AGBL1: variants seen among roughly 807,000 people sequenced by gnomAD.
The protein encoded by AGBL1 is cytosolic carboxypeptidase 4.
AGBL1 carries 130 observed loss-of-function variants against 118.9 expected under a neutral mutation model. The observed-to-expected ratio is 1.09, with a 90% CI of 0.95 to 1.26. AGBL1 has a LOEUF of 1.26. Among genes scored for constraint, AGBL1 ranks in the 50% most tolerant of loss-of-function variants. The pLI is 0.00. For synonymous variants in AGBL1, 555 were observed against 478.9 expected, an observed-to-expected ratio of 1.16 and a Z score of -2.08; for missense variants, 1,584 against 1,298.1, an observed-to-expected ratio of 1.22 and a Z score of -3.38.
At chr15:86,827,218 G>A (rs538775389) in intron 22 of AGBL1, among the ~76,000 whole-genome samples, 11 of 144,118 alleles carry the variant, frequency 7.6e-5, no homozygotes, top group African/African-American at 2.8e-4. Context: ...TCTAGAGTTG[G>A]GGTATAAGAA....
At chr15:86,641,090 A>G (rs2085182411) in intron 21 of AGBL1, among the ~76,000 whole-genome samples, 1 of 152,042 alleles carries the variant, frequency 6.6e-6, no homozygotes. Flanking sequence ...TTGATAAAAG[A>G]TCTTTAATAG....
At chr15:86,521,512 A>T (rs2083188378) in intron 18 of AGBL1, among the ~76,000 whole-genome samples, 2 of 152,058 alleles carry the variant, frequency 1.3e-5, no homozygotes, top group African/African-American at 2.4e-5. Context: ...TTTTATAAGG[A>T]CTCTGATCAA....
At chr15:86,682,333 C>CA (rs2085975604) in intron 22 of AGBL1, among the ~76,000 whole-genome samples, 1 of 152,088 alleles carries the variant, frequency 6.6e-6, no homozygotes, top group Non-Finnish European at 1.5e-5. Context: ...TAGCAAAAAA[C>CA]AAACAAACAA....
At chr15:86,369,406 AAAGTC>A (rs1424667344) in intron 17 of AGBL1, among the ~76,000 whole-genome samples, 22 of 152,302 alleles carry the variant, frequency 1.4e-4, no homozygotes, top group African/African-American at 4.8e-4. Flanking sequence ...GAAAACCACT[AAAGTC>A]AAGACATAAA....
At chr15:86,204,464 C>T (rs1325936913) in intron 5 of AGBL1, among the ~76,000 whole-genome samples, 1 of 151,374 alleles carries the variant, frequency 6.6e-6, no homozygotes, top group African/African-American at 2.4e-5. Flanking sequence ...GCATTGATCC[C>T]TTCCCTTACC....
intron 22 of AGBL1, among the ~76,000 whole-genome samples, chr15:86,784,233 T>C (rs888302667): frequency 6.6e-6 from 1 of 152,154 alleles, no homozygotes; most frequent in Non-Finnish European, 1.5e-5. Flanking sequence ...ATAATGATAT[T>C]AATAATGTTG....
intron 1 of AGBL1, among the ~76,000 whole-genome samples, chr15:86,102,209 T>A (rs1486284576): frequency 6.6e-6 from 1 of 152,070 alleles, no homozygotes; most frequent in Non-Finnish European, 1.5e-5. Context: ...CCCAGCTTAT[T>A]TTTGCATTTT....
Position 86,208,932 on chromosome 15 carries a change from T to G in AGBL1, c.489-15982T>G, listed in dbSNP as rs555801367. On this transcript the variant is annotated intron_variant, in intron 5 of 22. Coordinates refer to ENST00000614907, the MANE Select transcript of AGBL1 (RefSeq NM_001386094.1). ...TAGGGTGTCGATTTTAGATCTTTCC[T>G]GCTTTCTCTTGTGGGCATTTAGTGC... is the stretch of plus-strand genomic sequence containing the variant. 8.5e-5 allele frequency among the ~76,000 whole-genome samples: 13 copies of G among 152,356 alleles called. No homozygotes were observed. In the South Asian group the frequency reaches 2.7e-3, roughly 32 times the overall value.
chr15:86,806,571 T>C (rs2078716820), intron 22 of AGBL1, among the ~76,000 whole-genome samples: 1 of 152,122 alleles, frequency 6.6e-6, no homozygotes, highest in South Asian at 2.1e-4. Context: ...GTTCTAACAC[T>C]GACTAGTTAT....
At chr15:86,126,457 T>C (rs1031602623) in intron 1 of AGBL1, among the ~76,000 whole-genome samples, 2 of 152,214 alleles carry the variant, frequency 1.3e-5, no homozygotes, top group African/African-American at 4.8e-5. Flanking sequence ...CAGGATGGAA[T>C]GTTTATATTT....
In AGBL1 at chr15:86,292,188, G is replaced by C. The variant is rs191075499; in HGVS notation, c.2221-3067G>C. ...ACTTTAAGATGGGGAGATTAACCTT[G>C]ATTATCAGATTGGGTGCGGGGTAAT... On this transcript the variant is annotated intron_variant, in intron 16 of 22. Transcript: ENST00000614907. Among the ~76,000 whole-genome samples the C allele has an allele frequency of 3.3e-5, 5 of 152,248 alleles. No homozygotes were observed. In the South Asian group the frequency reaches 8.3e-4, roughly 25 times the overall value.
intron 7 of AGBL1, among the ~76,000 whole-genome samples, chr15:86,253,735 A>G (rs1208904880): frequency 1.3e-5 from 2 of 152,192 alleles, no homozygotes; most frequent in South Asian, 2.1e-4. Context: ...AAAATTTTAA[A>G]TTAATTGTAG....
chr15:86,478,890 G>C (rs1245057238), intron 18 of AGBL1, among the ~76,000 whole-genome samples: 1 of 152,096 alleles, frequency 6.6e-6, no homozygotes, highest in Non-Finnish European at 1.5e-5. Context: ...CAGAGATATA[G>C]ACCAATGGAA....
At chr15:86,707,410 A>AC (rs1555440976) in intron 22 of AGBL1, among the ~76,000 whole-genome samples, 4 of 151,952 alleles carry the variant, frequency 2.6e-5, no homozygotes, top group African/African-American at 9.7e-5. Context: ...ATATGTTTTC[A>AC]TGAAACTGTG....
At chr15:86,464,572 G>A (rs1391619707) in intron 18 of AGBL1, among the ~76,000 whole-genome samples, 1 of 152,074 alleles carries the variant, frequency 6.6e-6, no homozygotes, top group Non-Finnish European at 1.5e-5. Context: ...TATTGGCTGT[G>A]GGTTTGTCAT....
At chr15:86,477,695 T>C (rs992391589) in intron 18 of AGBL1, among the ~76,000 whole-genome samples, 26 of 151,930 alleles carry the variant, frequency 1.7e-4, no homozygotes, top group African/African-American at 2.4e-4. Flanking sequence ...CTATTCCAAT[T>C]AACAGAAAAA....
chr15:86,156,796 T>TC (rs1555438120), intron 4 of AGBL1, among the ~76,000 whole-genome samples: 1 of 108,100 alleles, frequency 9.3e-6, no homozygotes, highest in Admixed American at 9.0e-5. Flanking sequence ...TTTTCTTTCT[T>TC]TTTTTTTTTT....
chr15:86,478,964 C>T (rs1030913497), intron 18 of AGBL1, among the ~76,000 whole-genome samples: 8 of 152,128 alleles, frequency 5.3e-5, no homozygotes, highest in Non-Finnish European at 1.0e-4. Context: ...ACAAACCTGA[C>T]AAAAGCAAGA....
intron 17 of AGBL1, among the ~76,000 whole-genome samples, chr15:86,320,923 A>G (rs1218351855): frequency 1.3e-5 from 2 of 152,100 alleles, no homozygotes; most frequent in Non-Finnish European, 2.9e-5. Context: ...ATAGTGTTAA[A>G]CTGTGCATGC....
Sources: gnomAD v4.1 joint callset for allele counts (sites outside exome capture counted in the v4.1 genomes callset) on GRCh38, gnomAD v4.1.1 for gene constraint, MANE v1.5 for transcripts, NCBI Gene and HGNC (gene_info 2026-07-23, HGNC 2026-07-21) for gene names.